CSMD1: variants seen among roughly 807,000 people sequenced by gnomAD.
CSMD1 encodes the protein CUB and sushi domain-containing protein 1.
Under a neutral mutation model 417.5 loss-of-function variants are expected in CSMD1, and 213 were observed. The observed-to-expected ratio is 0.51, with a 90% confidence interval of 0.46 to 0.57. CSMD1 has a LOEUF of 0.57. CSMD1 is among the 20% of genes least tolerant of loss of function. The pLI, the probability that CSMD1 is intolerant of heterozygous loss-of-function variation, is 0.00. For missense variants in CSMD1, 6,923 were observed against 4,529.7 expected (o/e 1.53, Z -15.17); for synonymous variants, 2,862 against 1,736.8 (o/e 1.65, Z -16.11).
chr8:4,093,645 A>G (rs1800835063), intron 3 of CSMD1, among the ~76,000 whole-genome samples: 1 of 152,090 alleles, frequency 6.6e-6, no homozygotes, highest in Non-Finnish European at 1.5e-5. Flanking sequence ...GATTGAGAGG[A>G]GAAAGTGAAT....
intron 10 of CSMD1, among the ~76,000 whole-genome samples, chr8:3,522,017 A>T (rs1797530089): frequency 6.6e-6 from 1 of 152,232 alleles, no homozygotes; most frequent in Non-Finnish European, 1.5e-5. Flanking sequence ...ATTATCTTTC[A>T]TCTCAATTAC....
At chr8:4,749,414 G>A (rs1811163696) in intron 1 of CSMD1, among the ~76,000 whole-genome samples, 1 of 152,146 alleles carries the variant, frequency 6.6e-6, no homozygotes, top group Non-Finnish European at 1.5e-5. Context: ...ATATTCTGAA[G>A]GTGTTTAGAG....
chr8:4,034,662 G>C (rs909945604), intron 3 of CSMD1, among the ~76,000 whole-genome samples: 2 of 152,174 alleles, frequency 1.3e-5, no homozygotes, highest in Admixed American at 6.5e-5. Context: ...TAAATGTGAA[G>C]AGTGAGAAAG....
chr8:3,291,731 G>C (rs1206102153), intron 25 of CSMD1, among the ~76,000 whole-genome samples: 2 of 151,828 alleles, frequency 1.3e-5, no homozygotes, highest in African/African-American at 2.4e-5. Flanking sequence ...TTCTTTATTT[G>C]TCTTGCTAGT....
chr8:4,712,067 T>C (rs1808339382), intron 1 of CSMD1, among the ~76,000 whole-genome samples: 1 of 152,174 alleles, frequency 6.6e-6, no homozygotes, highest in Non-Finnish European at 1.5e-5. Flanking sequence ...AAATGCATGT[T>C]CACTGCCATG....
At chr8:4,942,921 G>C (rs191990472) in intron 1 of CSMD1, among the ~76,000 whole-genome samples, 4 of 152,312 alleles carry the variant, frequency 2.6e-5, no homozygotes, top group East Asian at 1.9e-4. Flanking sequence ...CAATGGTTTG[G>C]ATTAGGTTAT....
intron 26 of CSMD1, among the ~76,000 whole-genome samples, chr8:3,237,438 C>T (rs897419291): frequency 2.6e-5 from 4 of 151,086 alleles, no homozygotes; most frequent in East Asian, 1.9e-4. Context: ...GCATGGGCAA[C>T]AGGGCGAGAC....
At chr8:4,889,630 G>A (rs992381729) in intron 1 of CSMD1, among the ~76,000 whole-genome samples, 1 of 152,070 alleles carries the variant, frequency 6.6e-6, no homozygotes, top group Non-Finnish European at 1.5e-5. Context: ...TAAGGTTACT[G>A]GTAGCCATAA....
At chr8:4,562,338 G>C (rs1194050741) in intron 2 of CSMD1, among the ~76,000 whole-genome samples, 1 of 152,120 alleles carries the variant, frequency 6.6e-6, no homozygotes, top group Non-Finnish European at 1.5e-5. Context: ...CCAAGAAATG[G>C]GAAATGGAAG....
At chr8:3,190,483 G>A (rs1353568329) in intron 33 of CSMD1, among the ~76,000 whole-genome samples, 1 of 152,148 alleles carries the variant, frequency 6.6e-6, no homozygotes, top group Non-Finnish European at 1.5e-5. Flanking sequence ...CATCCTGCTA[G>A]TGATAATGAG....
chr8:4,084,761 C>T (rs1357601842), intron 3 of CSMD1, among the ~76,000 whole-genome samples: 3 of 149,724 alleles, frequency 2.0e-5, no homozygotes, highest in Non-Finnish European at 4.4e-5. Flanking sequence ...CTACCCAAAG[C>T]ATGTGGCTTT....
At chr8:3,914,818 T>G (rs183226490) in intron 5 of CSMD1, among the ~76,000 whole-genome samples, 16 of 152,298 alleles carry the variant, frequency 1.1e-4, no homozygotes, top group African/African-American at 3.8e-4. Flanking sequence ...TCTACTCTAC[T>G]GAGTGTCCTT....
intron 5 of CSMD1, among the ~76,000 whole-genome samples, chr8:3,844,207 TGAA>T (rs1277892097): frequency 1.3e-5 from 2 of 152,152 alleles, no homozygotes; most frequent in African/African-American, 4.8e-5. Flanking sequence ...AGAAGGGTGT[TGAA>T]GAATGAGTCT....
chr8:4,933,675 A>T (rs1394390651), intron 1 of CSMD1, among the ~76,000 whole-genome samples: 1 of 152,214 alleles, frequency 6.6e-6, no homozygotes, highest in African/African-American at 2.4e-5. Flanking sequence ...GAAAGGAAGG[A>T]AGGAAGGAAA....
intron 49 of CSMD1, 103 bp downstream of exon 49, chr8:3,086,994 C>G (rs1284552499): frequency 2.8e-6 from 3 of 1,079,666 alleles, no homozygotes; most frequent in Non-Finnish European, 4.0e-6. Flanking sequence ...TCAATTTTTC[C>G]TTACCTTTTA....
intron 3 of CSMD1, among the ~76,000 whole-genome samples, chr8:4,338,732 C>T (rs899208435): frequency 5.9e-5 from 9 of 151,958 alleles, no homozygotes; most frequent in South Asian, 4.1e-4. Context: ...AGATTTTTTT[C>T]GCCTAATTCA....
intron 1 of CSMD1, among the ~76,000 whole-genome samples, chr8:4,949,379 G>A (rs558519856): frequency 1.3e-5 from 2 of 152,246 alleles, no homozygotes; most frequent in South Asian, 4.1e-4. Flanking sequence ...TAAAATTGCA[G>A]TCATCTATAC....
intron 2 of CSMD1, among the ~76,000 whole-genome samples, chr8:4,533,922 C>T (rs1796963957): frequency 6.7e-6 from 1 of 148,292 alleles, no homozygotes; most frequent in African/African-American, 2.5e-5. Context: ...TATACATACA[C>T]ATATATTAAT....
chr8:3,450,525 T>C (rs1002737003), intron 12 of CSMD1, among the ~76,000 whole-genome samples: 15 of 151,066 alleles, frequency 9.9e-5, no homozygotes, highest in Non-Finnish European at 1.8e-4. Context: ...TGTGTTCTCA[T>C]TGTTCAATTC....
Sources: allele counts gnomAD v4.1 joint callset (sites outside exome capture counted in the v4.1 genomes callset), GRCh38; gene constraint gnomAD v4.1.1; transcripts MANE v1.5; gene names NCBI Gene and HGNC (gene_info 2026-07-23, HGNC 2026-07-21).